Variants in VIL1 observed in about 807,000 individuals in gnomAD.
The protein encoded by VIL1 is villin 1.
In VIL1, 86 loss-of-function variants were observed where a neutral mutation model predicts 104.0. That is an observed-to-expected ratio of 0.83 (90% CI 0.69 to 0.99). The LOEUF (loss-of-function observed/expected upper bound fraction) is 0.99. Among genes scored for constraint, VIL1 ranks in the 50% least tolerant of loss-of-function variants. VIL1 has a pLI of 0.00. For missense variants in VIL1, 944 were observed against 1,054.1 expected (o/e 0.90, Z 1.45); for synonymous variants, 394 against 412.6 (o/e 0.95, Z 0.55).
chr2:218,436,710 T>C (rs984598903), intron 16 of VIL1, 84 bp downstream of exon 16: 9 of 1,493,476 alleles, frequency 6.0e-6, no homozygotes, highest in Non-Finnish European at 7.2e-6. Flanking sequence ...GTTAGGTAAG[T>C]GTCAATGTTT....
At chr2:218,432,451 G>C in intron 12 of VIL1, 1 of 702,086 alleles carries the variant, frequency 1.4e-6, no homozygotes, top group Admixed American at 2.0e-5. Flanking sequence ...GTGTCTAGAT[G>C]CGAGGGAGCA....
At chr2:218,425,875 C>A in intron 4 of VIL1, 64 bp downstream of exon 4, 1 of 1,520,644 alleles carries the variant, frequency 6.6e-7, no homozygotes, top group Non-Finnish European at 8.9e-7. Flanking sequence ...GATGTTGGGG[C>A]TGAGCTGAAG....
At chr2:218,430,577 A>T in intron 9 of VIL1, 148 bp from the exon 10 acceptor site, 1 of 1,011,922 alleles carries the variant, frequency 9.9e-7, no homozygotes, top group Non-Finnish European at 1.4e-6. Flanking sequence ...TAGGTTGGGG[A>T]TTAGCATTGG....
intron 1 of VIL1, among the ~76,000 whole-genome samples, chr2:218,421,993 C>T (rs1360925111): frequency 1.3e-5 from 2 of 152,162 alleles, no homozygotes; most frequent in African/African-American, 4.8e-5. Flanking sequence ...GTGGCTCACG[C>T]CTGTAATTCC....
At chr2:218,445,047 G>A (rs974046335) in intron 19 of VIL1, among the ~76,000 whole-genome samples, 3 of 152,194 alleles carry the variant, frequency 2.0e-5, no homozygotes, top group Non-Finnish European at 4.4e-5. Flanking sequence ...TTTGGGGTAT[G>A]GCAGCTTCTC....
intron 10 of VIL1, 124 bp from the exon 11 acceptor site, chr2:218,431,726 CTGAATCT>C: frequency 1.3e-6 from 1 of 751,750 alleles, no homozygotes; most frequent in Admixed American, 2.1e-5. Context: ...AGGTAAGCTA[CTGAATCT>C]CTCTTGCCTC....
rs1056239120 is a variant in VIL1 at position 218,451,930 on chromosome 2, T to G, written c.*2594T>G. 9.8e-5 allele frequency: 15 copies of G among 152,786 alleles called. No individual in the cohort carries two copies. The highest frequency in any genetic ancestry group is 3.6e-4 in the African/African-American group (15 of 41,584). 9.5% of individuals were successfully genotyped at this position (152,786 alleles called of 1,614,324 possible). A position where few individuals can be genotyped will look rare whatever the true frequency, so the allele number is the denominator to read the frequency against. ...GACCAGTTCATGGATTTGCTTATTC[T>G]ATCCTGCTGAGACAAAACTCATGAG... On this transcript the variant is annotated 3_prime_UTR_variant, in exon 20 of 20. Transcript: ENST00000248444.
At chr2:218,428,816 C>T (rs911564810) in intron 6 of VIL1, among the ~76,000 whole-genome samples, 3 of 152,296 alleles carry the variant, frequency 2.0e-5, no homozygotes, top group Middle Eastern at 6.8e-3. Flanking sequence ...GGATTACAGG[C>T]GTGCATCACC....
chr2:218,438,559 C>A, intron 17 of VIL1, 99 bp from the exon 18 acceptor site: 4 of 1,151,764 alleles, frequency 3.5e-6, no homozygotes, highest in Non-Finnish European at 3.8e-6. Flanking sequence ...TACCACTAGG[C>A]CCCAGACCAG....
chr2:218,433,023 G>GGAT, intron 13 of VIL1, 72 bp downstream of exon 13: 1 of 1,588,142 alleles, frequency 6.3e-7, no homozygotes, highest in Non-Finnish European at 8.6e-7. Flanking sequence ...ATGGAGAAGG[G>GGAT]GATGGGTGGT....
chr2:218,445,363 C>A (rs1343674786), intron 19 of VIL1, among the ~76,000 whole-genome samples: 2 of 152,082 alleles, frequency 1.3e-5, no homozygotes, highest in African/African-American at 2.4e-5. Context: ...ATTGTGTCAC[C>A]ACACTCCAGC....
rs368789125 is a variant in VIL1, at chr2:218,439,352, A to G, written c.2229+626A>G. Reference sequence around the variant, plus strand: ...AAATATTCTGGTTTATAGACTTAGAATTGGCACCTAGGAATCTGCATCTTT... The same window carrying G: ...AAATATTCTGGTTTATAGACTTAGAGTTGGCACCTAGGAATCTGCATCTTT... On this transcript the variant is annotated intron_variant, in intron 18 of 19. Transcript: ENST00000248444. Among the ~76,000 whole-genome samples, 126 of 152,280 alleles carry G rather than the reference A, an allele frequency of 8.3e-4. 3 individuals are homozygous for G. The South Asian group carries it at 0.026, about 32-fold the overall frequency.
chr2:218,423,765 C>A lies in VIL1; in HGVS notation c.-11-3C>A. 1 of 1,614,066 alleles carries A rather than the reference C, an allele frequency of 6.2e-7. No homozygotes were observed. Among genetic ancestry groups the A allele is most frequent in the Non-Finnish European group, 8.5e-7 (1 of 1,179,964 alleles). Reference sequence around the variant, plus strand: ...CCCCTGCTCCCAACGCCTTCTCCCCCAGGCTCACTCACCATGACCAAGCTG... The same window carrying A: ...CCCCTGCTCCCAACGCCTTCTCCCCAAGGCTCACTCACCATGACCAAGCTG... On this transcript the variant is annotated splice_polypyrimidine_tract_variant and splice_region_variant and intron_variant, in intron 1 of 19. Transcript: ENST00000248444.
At chr2:218,423,992 C>A in intron 2 of VIL1, 139 bp downstream of exon 2, 2 of 914,590 alleles carry the variant, frequency 2.2e-6, no homozygotes, top group Non-Finnish European at 3.4e-6. Context: ...TCACCTCCCG[C>A]ATCATCCACA....
Position 218,431,848 on chromosome 2 carries a change from CCA to C in VIL1, c.1103-7_1103-6del, listed in dbSNP as rs747387118. The stretch of plus-strand genomic sequence containing the variant: ...GTGACAGTTGGTTTCATGATTTCCC[CCA>C]CTCTAGCCAAAGTGGAACAGGTGAA... On this transcript the variant is annotated splice_polypyrimidine_tract_variant and splice_region_variant and intron_variant, in intron 10 of 19. Coordinates refer to ENST00000248444, the MANE Select transcript of VIL1 (RefSeq NM_007127.3). 9 of 1,610,944 alleles carry C rather than the reference CCA, an allele frequency of 5.6e-6. No homozygotes were observed. The Admixed American group carries it at 1.0e-4, about 18-fold the overall frequency.
chr2:218,437,076 G>A, intron 16 of VIL1, 48 bp from the exon 17 acceptor site: 1 of 1,588,430 alleles, frequency 6.3e-7, no homozygotes, highest in Non-Finnish European at 8.6e-7. Context: ...AGCCCTGTGG[G>A]CCAGGGAGGA....
intron 18 of VIL1, among the ~76,000 whole-genome samples, chr2:218,439,558 C>T (rs924065928): frequency 6.6e-6 from 1 of 152,072 alleles, no homozygotes; most frequent in East Asian, 1.9e-4. Flanking sequence ...GTGGCTCACG[C>T]CTGTAATCTC....
At chr2:218,428,538 A>G (rs536486781) in intron 6 of VIL1, among the ~76,000 whole-genome samples, 1 of 152,316 alleles carries the variant, frequency 6.6e-6, no homozygotes, top group East Asian at 1.9e-4. Context: ...ATGAGTCTCT[A>G]CAGTGTGACA....
intron 19 of VIL1, among the ~76,000 whole-genome samples, chr2:218,443,268 G>A (rs1473148175): frequency 4.7e-5 from 7 of 149,644 alleles, no homozygotes; most frequent in South Asian, 2.1e-4. Flanking sequence ...GCGCGATCTC[G>A]GCTCACTGCA....
Sources: gnomAD v4.1 joint callset for allele counts (sites outside exome capture counted in the v4.1 genomes callset) on GRCh38, gnomAD v4.1.1 for gene constraint, MANE v1.5 for transcripts, NCBI Gene and HGNC (gene_info 2026-07-23, HGNC 2026-07-21) for gene names.